The following RERE variants were observed in gnomAD, a reference collection of about 807,000 sequenced individuals.
RERE encodes arginine-glutamic acid dipeptide repeats protein.
In RERE, 40 loss-of-function variants were observed where a neutral mutation model predicts 146.1. The ratio of observed to expected loss-of-function variants is 0.27; its 90% confidence interval spans 0.21 to 0.36. The LOEUF (loss-of-function observed/expected upper bound fraction) is 0.36. Ranked by LOEUF, RERE falls within the 10% of genes least tolerant of loss-of-function variation. RERE has a pLI of 1.00. For synonymous variants in RERE, 1,003 were observed against 866.0 expected, an observed-to-expected ratio of 1.16 and a Z score of -2.78; for missense variants, 1,933 against 2,138.7, an observed-to-expected ratio of 0.90 and a Z score of 1.90.
rs558802984 is a variant in RERE, at chr1:8,362,391, G to A, written c.1902+292C>T. On this transcript the variant is annotated intron_variant, in intron 16 of 22. Transcript: ENST00000400908. ...GGAGCCAATCTCTAATGGATACCAA[G>A]GGAGGACTGTACTTGGCTCTGGAGG... Among the ~76,000 whole-genome samples the A allele has an allele frequency of 2.0e-5, 3 of 152,302 alleles. No individual in the cohort carries two copies. In the East Asian group the frequency reaches 5.8e-4, roughly 29 times the overall value.
At chr1:8,386,009 TATATATATA>T (rs1642651800) in intron 12 of RERE, among the ~76,000 whole-genome samples, 1 of 41,826 alleles carries the variant, frequency 2.4e-5, no homozygotes, top group Non-Finnish European at 4.5e-5. Context: ...TATATATATA[TATATATATA>T]TATATTTTTT....
At chr1:8,458,576 C>T (rs377491746) in intron 11 of RERE, among the ~76,000 whole-genome samples, 8 of 152,078 alleles carry the variant, frequency 5.3e-5, no homozygotes, top group East Asian at 3.9e-4. Context: ...TGCGCATGCG[C>T]GCACACACAC....
chr1:8,774,364 T>C (rs1641016452), intron 1 of RERE, among the ~76,000 whole-genome samples: 1 of 146,892 alleles, frequency 6.8e-6, no homozygotes, highest in African/African-American at 2.6e-5. Flanking sequence ...TTTTTTTTTT[T>C]TTTTTTGCTA....
At chr1:8,468,318 C>T (rs1401411965) in intron 10 of RERE, among the ~76,000 whole-genome samples, 1 of 152,096 alleles carries the variant, frequency 6.6e-6, no homozygotes, top group Admixed American at 6.5e-5. Context: ...ATAAAAAGAT[C>T]TGAAATAAAG....
chr1:8,372,828 T>C (rs1010578098), intron 12 of RERE, among the ~76,000 whole-genome samples: 1 of 152,194 alleles, frequency 6.6e-6, no homozygotes, highest in Non-Finnish European at 1.5e-5. Context: ...TCTGGCCTTG[T>C]GCCACTAGTG....
At chr1:8,660,034 A>G (rs950436351) in intron 1 of RERE, among the ~76,000 whole-genome samples, 4 of 151,974 alleles carry the variant, frequency 2.6e-5, no homozygotes, top group Non-Finnish European at 4.4e-5. Context: ...TATATATTAC[A>G]TAATCTGCAT....
At chr1:8,704,961 T>C (rs1639527966) in intron 1 of RERE, among the ~76,000 whole-genome samples, 1 of 152,188 alleles carries the variant, frequency 6.6e-6, no homozygotes, top group Non-Finnish European at 1.5e-5. Flanking sequence ...AAAATCTGCT[T>C]CATATCCAAG....
intron 4 of RERE, among the ~76,000 whole-genome samples, chr1:8,588,501 C>T (rs1049863105): frequency 1.3e-5 from 2 of 152,108 alleles, no homozygotes; most frequent in Admixed American, 6.6e-5. Flanking sequence ...TAGGGCATCC[C>T]ACTGACTCTA....
At position 8,747,253 on chromosome 1, in the gene RERE, G is replaced by A. The variant is rs547714086; in HGVS notation, c.-145+69907C>T. 4.5e-4 allele frequency among the ~76,000 whole-genome samples: 69 copies of A among 152,092 alleles called. 1 individual carries two copies. The highest frequency in any genetic ancestry group is 2.6e-3 in the Admixed American group (39 of 15,262). ...CCTGACCTCGTGATCTGACCACCTC[G>A]GCCTCCCAAAGTGCTGGGATTACAG... On this transcript the variant is annotated intron_variant, in intron 1 of 22. Transcript: ENST00000400908.
chr1:8,416,234 C>T (rs1422133519), intron 12 of RERE, among the ~76,000 whole-genome samples: 1 of 152,160 alleles, frequency 6.6e-6, no homozygotes, highest in Non-Finnish European at 1.5e-5. Flanking sequence ...ACAGGAGTTA[C>T]AATCATGTTT....
At chr1:8,771,842 G>A (rs1413615833) in intron 1 of RERE, among the ~76,000 whole-genome samples, 5 of 148,748 alleles carry the variant, frequency 3.4e-5, no homozygotes, top group South Asian at 2.1e-4. Flanking sequence ...CCCGGGAGGC[G>A]GAGCTTGCAG....
intron 1 of RERE, among the ~76,000 whole-genome samples, chr1:8,758,782 T>C (rs1640697203): frequency 6.6e-6 from 1 of 151,882 alleles, no homozygotes; most frequent in Admixed American, 6.6e-5. Flanking sequence ...AGCTTTATAA[T>C]ATAGTGACTA....
chr1:8,556,580 AAATT>A lies in RERE; in HGVS notation c.629-13_629-10del, dbSNP rs548700912. On this transcript the variant is annotated splice_polypyrimidine_tract_variant and intron_variant, in intron 5 of 22. Transcript: ENST00000400908. ...AAGTTCTCTTCCAGAGTCTGTCAAA[AAATT>A]AATTAAGACGACATTAAAACTGAGT... 2.6e-6 allele frequency: 4 copies of A among 1,536,026 alleles called. No homozygotes were observed. Among genetic ancestry groups the A allele is most frequent in the South Asian group, 2.3e-5 (2 of 88,442 alleles).
At chr1:8,370,412 A>C (rs1028832153) in intron 12 of RERE, among the ~76,000 whole-genome samples, 2 of 152,242 alleles carry the variant, frequency 1.3e-5, no homozygotes, top group Non-Finnish European at 2.9e-5. Flanking sequence ...ATGTGGTGTC[A>C]CTGACACAAA....
chr1:8,729,143 T>C (rs1640031060), intron 1 of RERE, among the ~76,000 whole-genome samples: 1 of 147,248 alleles, frequency 6.8e-6, no homozygotes, highest in South Asian at 2.3e-4. Flanking sequence ...CACTCCAGCC[T>C]GGGCAACAAG....
At chr1:8,638,708 AT>A (rs1207445538) in intron 2 of RERE, among the ~76,000 whole-genome samples, 1 of 151,976 alleles carries the variant, frequency 6.6e-6, no homozygotes, top group Non-Finnish European at 1.5e-5. Context: ...ACATTTTTCA[AT>A]TTTATTCCTT....
chr1:8,367,043 T>C (rs554867006), intron 12 of RERE, among the ~76,000 whole-genome samples: 2 of 152,094 alleles, frequency 1.3e-5, no homozygotes, highest in South Asian at 2.1e-4. Context: ...GACTAGATGC[T>C]GGGAGTTGTC....
chr1:8,489,044 C>T (rs1375246957), intron 10 of RERE, among the ~76,000 whole-genome samples: 1 of 151,808 alleles, frequency 6.6e-6, no homozygotes, highest in African/African-American at 2.4e-5. Flanking sequence ...TTAAAGTCAA[C>T]ATTAAGGAAA....
chr1:8,563,640 G>T, intron 4 of RERE, among the ~76,000 whole-genome samples: 1 of 152,190 alleles, frequency 6.6e-6, no homozygotes, highest in South Asian at 2.1e-4. Context: ...CAATCTGCTG[G>T]AGAGAAGAGG....
Sources: gnomAD v4.1 joint callset for allele counts (sites outside exome capture counted in the v4.1 genomes callset) on GRCh38, gnomAD v4.1.1 for gene constraint, MANE v1.5 for transcripts, NCBI Gene and HGNC (gene_info 2026-07-23, HGNC 2026-07-21) for gene names.